CDIN1: variants seen among roughly 807,000 people sequenced by gnomAD.
The protein encoded by CDIN1 is CDAN1-interacting nuclease 1.
Under a neutral mutation model 45.3 loss-of-function variants are expected in CDIN1, and 33 were observed. The ratio of observed to expected loss-of-function variants is 0.73; its 90% CI spans 0.55 to 0.97. The LOEUF (loss-of-function observed/expected upper bound fraction) is 0.97. Ranked by LOEUF, CDIN1 falls within the 50% of genes least tolerant of loss-of-function variation. The pLI is 0.00. For missense variants in CDIN1, 303 were observed against 339.4 expected, an observed-to-expected ratio of 0.89 and a Z score of 0.84; for synonymous variants, 118 against 124.4, an observed-to-expected ratio of 0.95 and a Z score of 0.34.
intron 1 of CDIN1, among the ~76,000 whole-genome samples, chr15:36,581,350 C>T (rs1489468327): frequency 6.6e-6 from 1 of 152,130 alleles, no homozygotes; most frequent in Non-Finnish European, 1.5e-5. Context: ...TTTTCTCTAG[C>T]AAATACCTTG....
Position 36,789,244 on chromosome 15 carries a change from A to G in CDIN1, c.717-19080A>G, listed in dbSNP as rs942682302. Reference sequence around the variant, plus strand: ...ATTTAACTTTGGGTAATTTATGTACATTTGTCCAAAAAACTGACATCCGCC... The same window carrying G: ...ATTTAACTTTGGGTAATTTATGTACGTTTGTCCAAAAAACTGACATCCGCC... On this transcript the variant is annotated intron_variant, in intron 10 of 10. Transcript: ENST00000566621. Among the ~76,000 whole-genome samples the G allele has an allele frequency of 3.3e-5, 5 of 152,250 alleles. No homozygotes were observed. In the East Asian group the frequency reaches 9.7e-4, roughly 29 times the overall value.
chr15:36,707,498 A>G (rs564123017), intron 8 of CDIN1: 1 of 152,196 alleles, frequency 6.6e-6, no homozygotes, highest in African/African-American at 2.4e-5. Context: ...ATATTATGTT[A>G]GTAATTTTGG....
At position 36,644,233 on chromosome 15, in the gene CDIN1, C is replaced by T. The variant is rs557314844; in HGVS notation, c.102-45C>T. The T allele has an allele frequency of 5.1e-6, 8 of 1,583,754 alleles. No individual in the cohort carries two copies. The South Asian group carries it at 5.6e-5, about 11-fold the overall frequency. On this transcript the variant is annotated intron_variant, in intron 1 of 10. Transcript: ENST00000566621. ...GCTCCTTTCTCTTTTGTTTCTTTGC[C>T]GTGCACTCCAGTAATTAACTTTGTC... is the stretch of plus-strand genomic sequence containing the variant.
chr15:36,711,738 A>G (rs1392338183), intron 10 of CDIN1, among the ~76,000 whole-genome samples: 2 of 152,190 alleles, frequency 1.3e-5, no homozygotes, highest in Middle Eastern at 3.2e-3. Flanking sequence ...TAAATGGTCC[A>G]GATCATTTAA....
intron 10 of CDIN1, among the ~76,000 whole-genome samples, chr15:36,757,092 A>G (rs1386691041): frequency 6.6e-6 from 1 of 152,180 alleles, no homozygotes; most frequent in East Asian, 1.9e-4. Context: ...CCATGGTAGC[A>G]GTTTCATATA....
chr15:36,591,719 G>A (rs951754128), intron 1 of CDIN1: 2 of 152,182 alleles, frequency 1.3e-5, no homozygotes, highest in African/African-American at 4.8e-5. Context: ...GACTTATAAA[G>A]CAAGCCGGTG....
chr15:36,794,061 A>ATTTT (rs71126238), intron 10 of CDIN1, among the ~76,000 whole-genome samples: 28,128 of 121,156 alleles, frequency 0.23, 4,952 homozygotes, highest in East Asian at 0.53. Flanking sequence ...CATCATAACT[A>ATTTT]TTTTTTTTTT....
intron 5 of CDIN1, among the ~76,000 whole-genome samples, chr15:36,686,849 G>T (rs1199516352): frequency 7.7e-6 from 1 of 130,206 alleles, no homozygotes; most frequent in Non-Finnish European, 1.7e-5. Context: ...AGAGAGGGAG[G>T]GAGGGAGGGG....
chr15:36,599,442 G>C (rs541421840), intron 1 of CDIN1, among the ~76,000 whole-genome samples: 1 of 152,138 alleles, frequency 6.6e-6, no homozygotes, highest in Non-Finnish European at 1.5e-5. Context: ...CACAGGAGGT[G>C]AATAAATATT....
At chr15:36,616,910 G>T (rs556800150) in intron 1 of CDIN1, among the ~76,000 whole-genome samples, 39 of 151,992 alleles carry the variant, frequency 2.6e-4, no homozygotes, top group Middle Eastern at 3.4e-3. Context: ...GGGTGACACA[G>T]CAAGACTTAG....
chr15:36,669,519 A>G (rs949651794), intron 5 of CDIN1, among the ~76,000 whole-genome samples: 8 of 152,086 alleles, frequency 5.3e-5, no homozygotes, highest in African/African-American at 1.4e-4. Flanking sequence ...AGTTTTAGTT[A>G]TCCCTAATGT....
rs1255676261 is a variant in CDIN1 at position 36,709,883 on chromosome 15, T to C, written c.638T>C (p.Ile213Thr). ...GTAGAAGGGCACATAATTCACTGGA[T>C]TGAAAGCAAAGCCTCATTTGGTGAT... Reference protein sequence around the residue: ...VAVEGHIIHWIESKASFGDEC... With the variant: ...VAVEGHIIHWTESKASFGDEC... The change falls in exon 10 of 11, where the codon ATT becomes ACT. Residue 213 changes from isoleucine to threonine, a missense_variant. Ile to Thr is a moderately conservative substitution (Grantham distance 89). Transcript: ENST00000566621. 1 of 1,613,286 alleles carries C rather than the reference T, an allele frequency of 6.2e-7. No homozygotes were observed. The highest frequency in any genetic ancestry group is 1.3e-5 in the African/African-American group (1 of 74,876).
intron 10 of CDIN1, among the ~76,000 whole-genome samples, chr15:36,783,795 C>T (rs755000305): frequency 4.6e-5 from 7 of 152,114 alleles, no homozygotes; most frequent in Non-Finnish European, 1.0e-4. Context: ...CCAGCTAAAC[C>T]CACACTGCTC....
At chr15:36,805,413 T>C (rs1021064049) in intron 10 of CDIN1, among the ~76,000 whole-genome samples, 12 of 152,188 alleles carry the variant, frequency 7.9e-5, no homozygotes, top group African/African-American at 2.7e-4. Context: ...TTCAATGTTG[T>C]TAACAAAGTC....
At chr15:36,746,052 A>T (rs1051303842) in intron 10 of CDIN1, among the ~76,000 whole-genome samples, 13 of 152,202 alleles carry the variant, frequency 8.5e-5, no homozygotes, top group African/African-American at 3.1e-4. Flanking sequence ...GTACAATTAG[A>T]GCGAAAGGAA....
intron 10 of CDIN1, among the ~76,000 whole-genome samples, chr15:36,768,988 A>AT (rs1232565126): frequency 1.3e-5 from 2 of 152,114 alleles, no homozygotes; most frequent in Admixed American, 1.3e-4. Flanking sequence ...GAGATCTGTT[A>AT]TAAAAAAAAA....
chr15:36,802,116 C>T (rs1331729797), intron 10 of CDIN1, among the ~76,000 whole-genome samples: 2 of 152,148 alleles, frequency 1.3e-5, no homozygotes, highest in Admixed American at 6.5e-5. Flanking sequence ...ATAGTAGTTA[C>T]AAGGGTAAGC....
At chr15:36,650,030 A>G (rs534441767) in intron 3 of CDIN1, among the ~76,000 whole-genome samples, 1 of 152,370 alleles carries the variant, frequency 6.6e-6, no homozygotes, top group Admixed American at 6.5e-5. Context: ...ATCATATTTA[A>G]GCCAACCTTT....
chr15:36,594,901 G>T, intron 1 of CDIN1: 1 of 985,456 alleles, frequency 1.0e-6, no homozygotes, highest in Non-Finnish European at 1.2e-6. Context: ...TCAAAGCTCA[G>T]CTTTCTGTTT....
Sources: allele counts gnomAD v4.1 joint callset (sites outside exome capture counted in the v4.1 genomes callset), GRCh38; gene constraint gnomAD v4.1.1; transcripts MANE v1.5; gene names NCBI Gene and HGNC (gene_info 2026-07-23, HGNC 2026-07-21).